The following DNAH12 variants were observed in gnomAD, a reference collection of about 807,000 sequenced individuals.
DNAH12 encodes the protein axonemal beta dynein heavy chain 12.
Under a neutral mutation model 371.5 loss-of-function variants are expected in DNAH12, and 285 were observed. That is an observed-to-expected ratio of 0.77 (90% CI 0.70 to 0.85). DNAH12 has a LOEUF of 0.85. Among genes scored for constraint, DNAH12 ranks in the 40% least tolerant of loss-of-function variants. The pLI is 0.00. For synonymous variants in DNAH12, 1,200 were observed against 1,213.0 expected, an observed-to-expected ratio of 0.99 and a Z score of 0.22; for missense variants, 3,611 against 3,689.4, an observed-to-expected ratio of 0.98 and a Z score of 0.55.
chr3:57,334,809 C>T lies in DNAH12; in HGVS notation c.9806G>A (p.Ser3269Asn), dbSNP rs1437299858. Residue 3269 changes from serine to asparagine, a missense_variant, in exon 61 of 74, where the codon AGT (serine) becomes AAT (asparagine). Physicochemically the swap from Ser to Asn is conservative, Grantham distance 46 (BLOSUM62 1). Around this residue, in one of 3 missense-constraint regions of DNAH12, gnomAD observed 2,266 missense variants for 2,236.9 expected, o/e 1.01. Transcript: ENST00000495027. ...DKSWEEICRASEFPAFRGLRQ... is the reference protein window; with the variant it reads ...DKSWEEICRANEFPAFRGLRQ... ...GAGTCCTCTGAAGGCAGGAAATTCA[C>T]TTGCCCGACAGATTTCCTCCCAGCT... is the stretch of plus-strand genomic sequence containing the variant. 1 of 1,551,728 alleles carries T rather than the reference C, an allele frequency of 6.4e-7. No homozygotes were observed. Among genetic ancestry groups the T allele is most frequent in the Non-Finnish European group, 8.7e-7 (1 of 1,146,992 alleles).
chr3:57,433,064 A>C (rs931224263), intron 32 of DNAH12, among the ~76,000 whole-genome samples: 1 of 152,066 alleles, frequency 6.6e-6, no homozygotes, highest in African/African-American at 2.4e-5. Context: ...AAAATACTGA[A>C]GTTCTATAAG....
At chr3:57,527,712 G>T (rs750107889) in intron 2 of DNAH12, among the ~76,000 whole-genome samples, 4 of 152,208 alleles carry the variant, frequency 2.6e-5, no homozygotes, top group African/African-American at 4.8e-5. Flanking sequence ...TTCAACATGA[G>T]ATTTCAGTGG....
intron 51 of DNAH12, among the ~76,000 whole-genome samples, chr3:57,379,808 T>A (rs1277383526): frequency 2.7e-5 from 3 of 112,204 alleles, no homozygotes; most frequent in Non-Finnish European, 4.9e-5. Flanking sequence ...GCCACTGCAC[T>A]CCAGCCTGGG....
At chr3:57,322,864 A>G (rs2061840185) in intron 64 of DNAH12, 143 bp downstream of exon 64, 7 of 1,211,530 alleles carry the variant, frequency 5.8e-6, no homozygotes, top group Non-Finnish European at 7.8e-6. Flanking sequence ...CGGGAGGCGA[A>G]GTTTGCGGTG....
At chr3:57,496,443 C>CA (rs1432375459) in intron 11 of DNAH12, among the ~76,000 whole-genome samples, 1 of 151,800 alleles carries the variant, frequency 6.6e-6, no homozygotes, top group Admixed American at 6.6e-5. Flanking sequence ...AAATATATGC[C>CA]AAAAAATACT....
chr3:57,416,629 T>C (rs554502093), intron 37 of DNAH12, among the ~76,000 whole-genome samples: 178 of 152,254 alleles, frequency 1.2e-3, no homozygotes, highest in African/African-American at 3.9e-3. Flanking sequence ...GTGATCTCAA[T>C]AGCCAAAGGT....
Position 57,523,616 on chromosome 3 carries a change from A to C in DNAH12, c.253-7T>G. The C allele has an allele frequency of 6.3e-7, 1 of 1,575,678 alleles. No homozygotes were observed. Among genetic ancestry groups the C allele is most frequent in the Non-Finnish European group, 8.6e-7 (1 of 1,162,122 alleles). The stretch of plus-strand genomic sequence containing the variant: ...TTTTCATTTCACTGGTCATCTGTCA[A>C]AAACAAACAGGATATAATTAAATCA... On this transcript the variant is annotated splice_polypyrimidine_tract_variant and splice_region_variant and intron_variant, in intron 3 of 73. Coordinates refer to ENST00000495027, the MANE Select transcript of DNAH12 (RefSeq NM_001366028.2).
At chr3:57,534,388 T>G (rs2068952705) in intron 2 of DNAH12, among the ~76,000 whole-genome samples, 1 of 152,156 alleles carries the variant, frequency 6.6e-6, no homozygotes, top group Non-Finnish European at 1.5e-5. Flanking sequence ...ATTGTTAAAT[T>G]TTGTGTTCCT....
intron 73 of DNAH12, among the ~76,000 whole-genome samples, chr3:57,294,598 G>A (rs758425098): frequency 1.1e-4 from 16 of 152,184 alleles, no homozygotes; most frequent in Non-Finnish European, 1.9e-4. Flanking sequence ...AATGAGAAGG[G>A]AGGGAAGAAG....
intron 40 of DNAH12, among the ~76,000 whole-genome samples, chr3:57,406,942 C>A (rs1285770963): frequency 1.3e-5 from 2 of 152,072 alleles, no homozygotes; most frequent in Non-Finnish European, 2.9e-5. Flanking sequence ...TTCTGTCGCC[C>A]CGCTGGAGTG....
In DNAH12 at chr3:57,342,366, C is replaced by T. The variant is rs115967413; in HGVS notation, c.9675-7426G>A. On this transcript the variant is annotated intron_variant, in intron 60 of 73. Coordinates refer to ENST00000495027, the MANE Select transcript of DNAH12 (RefSeq NM_001366028.2). Reference sequence around the variant, plus strand: ...AGAAAGTATTTGCAAACTGGCCAGACGTGGTGGCTTATGCCTGTAATCCCA... The same window carrying T: ...AGAAAGTATTTGCAAACTGGCCAGATGTGGTGGCTTATGCCTGTAATCCCA... 7.1e-3 allele frequency among the ~76,000 whole-genome samples: 1,071 copies of T among 151,080 alleles called. 10 individuals are homozygous for T. Among genetic ancestry groups the T allele is most frequent in the African/African-American group, 0.024 (988 of 41,140 alleles).
chr3:57,326,675 C>CA (rs897424287), intron 62 of DNAH12, among the ~76,000 whole-genome samples: 52 of 152,260 alleles, frequency 3.4e-4, no homozygotes, highest in Admixed American at 2.7e-3. Flanking sequence ...AACCAGCTAA[C>CA]ATCATAATGA....
At chr3:57,517,541 G>A (rs1228241386) in intron 4 of DNAH12, among the ~76,000 whole-genome samples, 4 of 151,684 alleles carry the variant, frequency 2.6e-5, no homozygotes, top group Admixed American at 2.6e-4. Flanking sequence ...ATAGTGAAAG[G>A]AAATTTATTG....
chr3:57,456,451 C>T (rs146054460), intron 22 of DNAH12, among the ~76,000 whole-genome samples: 16 of 152,224 alleles, frequency 1.1e-4, no homozygotes, highest in East Asian at 9.6e-4. Context: ...CAGAAATATA[C>T]GTGTTTATCA....
intron 12 of DNAH12, among the ~76,000 whole-genome samples, chr3:57,487,451 G>C (rs2066972883): frequency 6.6e-6 from 1 of 151,094 alleles, no homozygotes; most frequent in South Asian, 2.1e-4. Flanking sequence ...GCATTAATGT[G>C]GATAATGCAA....
chr3:57,441,649 G>T (rs1014714472), intron 29 of DNAH12, among the ~76,000 whole-genome samples: 7 of 151,936 alleles, frequency 4.6e-5, no homozygotes, highest in African/African-American at 7.3e-5. Context: ...ATAATTAGTT[G>T]GGTGTGGTGG....
chr3:57,499,647 A>AAAAAAATATATATATAT (rs1451248906), intron 11 of DNAH12, among the ~76,000 whole-genome samples: 1 of 17,956 alleles, frequency 5.6e-5, no homozygotes, highest in African/African-American at 2.1e-4. Context: ...AAAAAAAAAA[A>AAAAAAATATATATATAT]ATATATATAT....
chr3:57,433,225 A>G, intron 32 of DNAH12, 142 bp downstream of exon 32: 1 of 1,070,796 alleles, frequency 9.3e-7, no homozygotes, highest in Non-Finnish European at 1.2e-6. Flanking sequence ...TTTTCATTGA[A>G]AAGAGAATTT....
intron 65 of DNAH12, among the ~76,000 whole-genome samples, chr3:57,317,681 T>C (rs951510443): frequency 2.0e-5 from 3 of 152,042 alleles, no homozygotes; most frequent in Admixed American, 6.6e-5. Flanking sequence ...TTCAATTTTT[T>C]TGGATACTCA....
Sources: allele counts gnomAD v4.1 joint callset (sites outside exome capture counted in the v4.1 genomes callset), GRCh38; gene constraint gnomAD v4.1.1; regional missense constraint gnomAD v4.1.1; transcripts MANE v1.5; gene names NCBI Gene and HGNC (gene_info 2026-07-23, HGNC 2026-07-21).